The following SLC7A1 variants were observed in gnomAD, a reference collection of about 807,000 sequenced individuals.
SLC7A1 encodes high affinity cationic amino acid transporter 1.
In SLC7A1, 10 loss-of-function variants were observed where a neutral mutation model predicts 53.9. That is an observed-to-expected ratio of 0.19 (90% CI 0.11 to 0.31). The LOEUF is 0.31. SLC7A1 is among the 10% of genes least tolerant of loss of function. The pLI is 1.00. For missense variants in SLC7A1, 525 were observed against 827.2 expected, an observed-to-expected ratio of 0.63 and a Z score of 4.48; for synonymous variants, 342 against 338.7, an observed-to-expected ratio of 1.01 and a Z score of -0.11.
chr13:29,583,083 T>G (rs568870711), intron 1 of SLC7A1, among the ~76,000 whole-genome samples: 3 of 152,340 alleles, frequency 2.0e-5, no homozygotes, highest in East Asian at 3.9e-4. Context: ...AACTTTTTAT[T>G]TTACACAGCT....
intron 1 of SLC7A1, among the ~76,000 whole-genome samples, chr13:29,589,941 G>A (rs762691093): frequency 3.0e-4 from 45 of 152,156 alleles, no homozygotes; most frequent in Non-Finnish European, 4.9e-4. Context: ...TAGATAAAGC[G>A]CAGAGTACAT....
At chr13:29,590,045 T>C (rs987408838) in intron 1 of SLC7A1, among the ~76,000 whole-genome samples, 3 of 152,222 alleles carry the variant, frequency 2.0e-5, no homozygotes, top group Admixed American at 6.5e-5. Flanking sequence ...CTTTGGCTAA[T>C]GGCACTCAGT....
chr13:29,526,602 C>G (rs1003498175), intron 5 of SLC7A1, among the ~76,000 whole-genome samples: 1 of 152,210 alleles, frequency 6.6e-6, no homozygotes, highest in East Asian at 1.9e-4. Flanking sequence ...CTGAAACCTC[C>G]ATTTCAGGGC....
At chr13:29,595,088 G>A (rs1303522723) in intron 1 of SLC7A1, among the ~76,000 whole-genome samples, 1 of 152,118 alleles carries the variant, frequency 6.6e-6, no homozygotes, top group Non-Finnish European at 1.5e-5. Flanking sequence ...AGCGGCGCGC[G>A]GGTCCCCGGA....
intron 1 of SLC7A1, among the ~76,000 whole-genome samples, chr13:29,569,150 T>C (rs1871089470): frequency 6.6e-6 from 1 of 152,094 alleles, no homozygotes; most frequent in Non-Finnish European, 1.5e-5. Context: ...CCAGAGCCAC[T>C]CCCTGCCTTC....
At position 29,530,849 on chromosome 13, in the gene SLC7A1, G is replaced by C. The variant is rs914580455; in HGVS notation, c.530-137C>G. ...CCTCTGCAGACCTCTGTGAGCCTCT[G>C]GGAATGGGGTGGATTAATTATCTTT... On this transcript the variant is annotated intron_variant, in intron 4 of 12. Transcript: ENST00000380752. The C allele has an allele frequency of 2.0e-5, 13 of 644,024 alleles. No homozygotes were observed. In the Admixed American group the frequency reaches 3.1e-4, roughly 15 times the overall value. 39.9% of individuals were successfully genotyped at this position (644,024 alleles called of 1,614,324 possible).
intron 1 of SLC7A1, among the ~76,000 whole-genome samples, chr13:29,559,789 C>A (rs1870658812): frequency 6.6e-6 from 1 of 151,540 alleles, no homozygotes. Context: ...GATCTCGGCT[C>A]ACTGCAAGCT....
chr13:29,530,810 C>G, intron 4 of SLC7A1, 98 bp from the exon 5 acceptor site: 2 of 945,200 alleles, frequency 2.1e-6, no homozygotes, highest in South Asian at 3.1e-5. Flanking sequence ...GAAAAAGAAT[C>G]CAAGTGCATC....
chr13:29,533,243 T>C (rs113423912), intron 3 of SLC7A1, among the ~76,000 whole-genome samples: 1,645 of 151,364 alleles, frequency 0.011, 25 homozygotes, highest in African/African-American at 0.037. Context: ...CAAATATATA[T>C]ATCCGAATAA....
rs1293184306 is a variant in SLC7A1, at chr13:29,512,854, G to C, written c.*1626C>G. 2 of 152,272 alleles carry C rather than the reference G, an allele frequency of 1.3e-5. No individual in the cohort carries two copies. The highest frequency in any genetic ancestry group is 4.8e-5 in the African/African-American group (2 of 41,446). The allele number at this position is 152,272 out of a possible 1,614,324, so 9.4% of individuals were successfully genotyped here. A position where few individuals can be genotyped will look rare whatever the true frequency, so the allele number is the denominator to read the frequency against. ...CACAAATTCTTGCACTTCTCTCCAA[G>C]AACCTTCTGGGGGCACAGGGAGGGT... On this transcript the variant is annotated 3_prime_UTR_variant, in exon 13 of 13. Coordinates refer to ENST00000380752, the MANE Select transcript of SLC7A1 (RefSeq NM_003045.5).
chr13:29,556,305 T>G (rs577117024), intron 1 of SLC7A1, among the ~76,000 whole-genome samples: 15 of 152,332 alleles, frequency 9.8e-5, no homozygotes, highest in Middle Eastern at 6.8e-3. Context: ...ATGTTACTTA[T>G]AGTAACACAA....
At chr13:29,549,389 G>A (rs113351802) in intron 2 of SLC7A1, among the ~76,000 whole-genome samples, 2 of 152,216 alleles carry the variant, frequency 1.3e-5, no homozygotes, top group African/African-American at 4.8e-5. Context: ...GGCCCTTTCA[G>A]CACACCACGT....
chr13:29,560,567 A>G (rs972341165), intron 1 of SLC7A1, among the ~76,000 whole-genome samples: 5 of 151,988 alleles, frequency 3.3e-5, no homozygotes, highest in African/African-American at 1.2e-4. Flanking sequence ...GTCATTTATT[A>G]TCAAGGATTA....
intron 1 of SLC7A1, among the ~76,000 whole-genome samples, chr13:29,563,823 C>T (rs1307201205): frequency 6.6e-6 from 1 of 152,188 alleles, no homozygotes; most frequent in African/African-American, 2.4e-5. Context: ...AACTAAGGCA[C>T]CACTGCCAAT....
At chr13:29,575,601 G>GC (rs1455470853) in intron 1 of SLC7A1, among the ~76,000 whole-genome samples, 1 of 152,116 alleles carries the variant, frequency 6.6e-6, no homozygotes, top group Non-Finnish European at 1.5e-5. Context: ...CCATACTTCT[G>GC]CCCCCGAATC....
At chr13:29,523,686 A>T (rs1360574309) in intron 6 of SLC7A1, among the ~76,000 whole-genome samples, 198 bp from the exon 7 acceptor site, 3 of 152,220 alleles carry the variant, frequency 2.0e-5, no homozygotes, top group Non-Finnish European at 2.9e-5. Flanking sequence ...GACACATCAG[A>T]CAGCCCATGG....
intron 1 of SLC7A1, among the ~76,000 whole-genome samples, chr13:29,567,611 GC>G (rs761921506): frequency 3.9e-5 from 6 of 152,186 alleles, no homozygotes; most frequent in Non-Finnish European, 5.9e-5. Context: ...GTAAGCTCCT[GC>G]CACACTCCTG....
intron 5 of SLC7A1, among the ~76,000 whole-genome samples, chr13:29,525,700 T>A (rs867713859): frequency 6.6e-6 from 1 of 152,242 alleles, no homozygotes; most frequent in Non-Finnish European, 1.5e-5. Context: ...TGGGGTTTAC[T>A]GTGGTCCCAT....
chr13:29,583,246 G>A (rs554082563), intron 1 of SLC7A1, among the ~76,000 whole-genome samples: 1 of 152,208 alleles, frequency 6.6e-6, no homozygotes, highest in Non-Finnish European at 1.5e-5. Context: ...GGAAGTCTAG[G>A]AACAAGGGCA....
Sources: gnomAD v4.1 joint callset for allele counts (sites outside exome capture counted in the v4.1 genomes callset) on GRCh38, gnomAD v4.1.1 for gene constraint, MANE v1.5 for transcripts, NCBI Gene and HGNC (gene_info 2026-07-23, HGNC 2026-07-21) for gene names.